Variants in CHL1 observed in about 807,000 individuals in gnomAD.
The protein encoded by CHL1 is neural cell adhesion molecule L1-like protein.
Under a neutral mutation model 141.9 loss-of-function variants are expected in CHL1, and 96 were observed. The observed-to-expected ratio is 0.68, with a 90% CI of 0.57 to 0.80. The LOEUF is 0.80. CHL1 is among the 30% of genes least tolerant of loss of function. The probability of loss-of-function intolerance (pLI) is 0.00; values close to 1 mark genes in which losing one functional copy is unlikely to be tolerated. For synonymous variants in CHL1, 613 were observed against 502.2 expected, an observed-to-expected ratio of 1.22 and a Z score of -2.95; for missense variants, 1,820 against 1,457.2, an observed-to-expected ratio of 1.25 and a Z score of -4.05.
chr3:305,684 A>G (rs1378914621), intron 2 of CHL1, among the ~76,000 whole-genome samples: 2 of 151,088 alleles, frequency 1.3e-5, no homozygotes, highest in Non-Finnish European at 3.0e-5. Flanking sequence ...ACTATACATT[A>G]TATATAATAT....
intron 2 of CHL1, among the ~76,000 whole-genome samples, chr3:259,925 C>A (rs1694544887): frequency 6.6e-6 from 1 of 152,110 alleles, no homozygotes; most frequent in South Asian, 2.1e-4. Flanking sequence ...AAAGTGCACA[C>A]AATCTCAGTG....
intron 2 of CHL1, among the ~76,000 whole-genome samples, chr3:270,124 A>G (rs1695506638): frequency 6.6e-6 from 1 of 152,166 alleles, no homozygotes; most frequent in South Asian, 2.1e-4. Flanking sequence ...CTGGCCAGAA[A>G]TGGGGGGAAG....
intron 2 of CHL1, among the ~76,000 whole-genome samples, chr3:310,225 T>C (rs1575029972): frequency 6.6e-6 from 1 of 151,478 alleles, no homozygotes; most frequent in South Asian, 2.1e-4. Flanking sequence ...AGGCCAGGAG[T>C]TTGGGAACAG....
In CHL1 at chr3:226,061, G is replaced by A. The variant is rs114492012; in HGVS notation, c.-174-18552G>A. Among the ~76,000 whole-genome samples the A allele has an allele frequency of 9.1e-3, 1,373 of 150,676 alleles. 16 individuals carry two copies. Among genetic ancestry groups the A allele is most frequent in the African/African-American group, 0.031 (1,294 of 41,210 alleles). ...TTTTTTGAGAGAGTCTCGTTCCGTCGCCCAGGAGAGAGTGCGGAGGCACGA... is the reference window on the plus strand; with the variant it reads ...TTTTTTGAGAGAGTCTCGTTCCGTCACCCAGGAGAGAGTGCGGAGGCACGA... On this transcript the variant is annotated intron_variant, in intron 1 of 27. Coordinates refer to ENST00000256509, the MANE Select transcript of CHL1 (RefSeq NM_006614.4).
At chr3:269,996 C>G (rs1316682180) in intron 2 of CHL1, among the ~76,000 whole-genome samples, 1 of 152,064 alleles carries the variant, frequency 6.6e-6, no homozygotes, top group African/African-American at 2.4e-5. Flanking sequence ...AGAACCTGAC[C>G]CAGTAGAGGG....
intron 12 of CHL1, among the ~76,000 whole-genome samples, chr3:360,734 G>GC (rs1302321643): frequency 9.4e-5 from 5 of 53,206 alleles, no homozygotes; most frequent in Admixed American, 2.1e-4. Flanking sequence ...ATGCTATCCC[G>GC]CCCCCCCTCC....
At chr3:255,413 A>G (rs1358364630) in intron 2 of CHL1, among the ~76,000 whole-genome samples, 1 of 152,112 alleles carries the variant, frequency 6.6e-6, no homozygotes, top group Non-Finnish European at 1.5e-5. Context: ...ACAATTAGAG[A>G]TCATTCAAGT....
chr3:231,187 GGAGA>G (rs1701818928), intron 1 of CHL1, among the ~76,000 whole-genome samples: 1 of 152,100 alleles, frequency 6.6e-6, no homozygotes, highest in East Asian at 1.9e-4. Flanking sequence ...TTCCCTGGGA[GGAGA>G]AAGACAATGC....
At chr3:399,532 C>A (rs143979773) in intron 26 of CHL1, among the ~76,000 whole-genome samples, 1 of 151,950 alleles carries the variant, frequency 6.6e-6, no homozygotes, top group South Asian at 2.1e-4. Context: ...CCCAGCTACT[C>A]GGAAGGCTGA....
intron 16 of CHL1, among the ~76,000 whole-genome samples, chr3:379,204 G>A (rs1004708733): frequency 6.6e-6 from 1 of 151,998 alleles, no homozygotes; most frequent in Non-Finnish European, 1.5e-5. Flanking sequence ...TAAAAAAATG[G>A]GTCAACAGGC....
intron 2 of CHL1, among the ~76,000 whole-genome samples, chr3:303,221 G>T (rs1698917233): frequency 6.6e-6 from 1 of 152,138 alleles, no homozygotes; most frequent in Non-Finnish European, 1.5e-5. Flanking sequence ...TTTTGGATAT[G>T]CAGGCTCTTT....
At chr3:284,574 GC>G (rs1350815351) in intron 2 of CHL1, among the ~76,000 whole-genome samples, 3 of 152,140 alleles carry the variant, frequency 2.0e-5, no homozygotes, top group African/African-American at 7.2e-5. Context: ...ACATTGAAAA[GC>G]AAAAATGAGA....
chr3:323,067 T>C (rs1407531122), intron 3 of CHL1, among the ~76,000 whole-genome samples: 10 of 152,096 alleles, frequency 6.6e-5, no homozygotes, highest in Admixed American at 6.6e-4. Flanking sequence ...TCTCTATTTC[T>C]TAATTGCATC....
intron 11 of CHL1, among the ~76,000 whole-genome samples, chr3:355,345 T>A (rs1703617442): frequency 6.6e-6 from 1 of 152,066 alleles, no homozygotes; most frequent in African/African-American, 2.4e-5. Flanking sequence ...AAAATCCCCA[T>A]GCCCGGTCCA....
At position 350,961 on chromosome 3, in the gene CHL1, G is replaced by T. The variant is rs910552978; in HGVS notation, c.1033+1418G>T. On this transcript the variant is annotated intron_variant, in intron 10 of 27. Transcript: ENST00000256509. ...TTTCTATATAATTTGGCTACATCGT[G>T]CAACAGGGGTATTTTTCTGTAACCC... Among the ~76,000 whole-genome samples, 3 of 152,058 alleles carry T rather than the reference G, an allele frequency of 2.0e-5. No homozygotes were observed. The South Asian group carries it at 6.2e-4, about 32-fold the overall frequency.
chr3:401,602 T>C (rs2106428349), intron 26 of CHL1, 24 bp from the exon 27 acceptor site: 2 of 1,417,668 alleles, frequency 1.4e-6, no homozygotes, highest in Non-Finnish European at 2.0e-6. Flanking sequence ...GTATTACTTT[T>C]CCCACTTTTT....
chr3:357,237 TA>T, intron 11 of CHL1, among the ~76,000 whole-genome samples: 1 of 152,340 alleles, frequency 6.6e-6, no homozygotes, highest in African/African-American at 2.4e-5. Context: ...AAACAGGTCG[TA>T]AACTTTTATA....
chr3:400,346 C>G (rs1709022496), intron 26 of CHL1, among the ~76,000 whole-genome samples: 1 of 152,092 alleles, frequency 6.6e-6, no homozygotes, highest in Non-Finnish European at 1.5e-5. Context: ...TTCACAATGA[C>G]TAATAAATGT....
chr3:247,282 G>A (rs1693258352), intron 2 of CHL1: 1 of 151,828 alleles, frequency 6.6e-6, no homozygotes, highest in African/African-American at 2.4e-5. Context: ...CTTTTTAAAT[G>A]TTCTCAGGAC....
Sources: allele counts gnomAD v4.1 joint callset (sites outside exome capture counted in the v4.1 genomes callset), GRCh38; gene constraint gnomAD v4.1.1; transcripts MANE v1.5; gene names NCBI Gene and HGNC (gene_info 2026-07-23, HGNC 2026-07-21).